COL27A1: variants seen among roughly 807,000 people sequenced by gnomAD.
COL27A1 encodes the protein collagen alpha-1(XXVII) chain.
In COL27A1, 106 loss-of-function variants were observed where a neutral mutation model predicts 251.3. That is an observed-to-expected ratio of 0.42 (90% confidence interval 0.36 to 0.50). COL27A1 has a LOEUF of 0.50. Among genes scored for constraint, COL27A1 ranks in the 20% least tolerant of loss-of-function variants. The pLI is 0.00. For missense variants in COL27A1, 2,325 were observed against 2,522.8 expected, an observed-to-expected ratio of 0.92 and a Z score of 1.68; for synonymous variants, 1,000 against 986.3, an observed-to-expected ratio of 1.01 and a Z score of -0.26.
rs147063899 is a variant in COL27A1 at position 114,272,074 on chromosome 9, G to A, written c.3609+1293G>A. On this transcript the variant is annotated intron_variant, in intron 36 of 60. Coordinates refer to ENST00000356083, the MANE Select transcript of COL27A1 (RefSeq NM_032888.4). ...CCTTTGCCAGTGCCTGCTACACTGG[G>A]TGGTGATGCTGATGAAGGTCATGGC... The A allele has an allele frequency of 4.4e-3, 672 of 152,388 alleles. 6 individuals are homozygous for A. The highest frequency in any genetic ancestry group is 0.014 in the Middle Eastern group (4 of 294). The allele number at this position is 152,388 out of a possible 1,614,324, so 9.4% of individuals were successfully genotyped here.
At chr9:114,260,910 C>A (rs2135572482) in intron 28 of COL27A1, among the ~76,000 whole-genome samples, 1 of 152,330 alleles carries the variant, frequency 6.6e-6, no homozygotes, top group South Asian at 2.1e-4. Context: ...CCCCAAGATT[C>A]CAATGCCTCG....
At chr9:114,215,029 G>A (rs1830628620) in intron 12 of COL27A1, among the ~76,000 whole-genome samples, 1 of 152,248 alleles carries the variant, frequency 6.6e-6, no homozygotes, top group African/African-American at 2.4e-5. Context: ...GCCCTGCAAG[G>A]CAGGCCACCA....
chr9:114,186,556 G>C (rs187531426), intron 5 of COL27A1, among the ~76,000 whole-genome samples: 1 of 152,162 alleles, frequency 6.6e-6, no homozygotes, highest in Non-Finnish European at 1.5e-5. Context: ...GATCTAGTCC[G>C]GGAGGTGAGG....
chr9:114,230,512 C>G (rs1212294829), intron 14 of COL27A1, among the ~76,000 whole-genome samples: 2 of 152,276 alleles, frequency 1.3e-5, no homozygotes, highest in Non-Finnish European at 1.5e-5. Context: ...AGCTGGGTCT[C>G]CAACCTGTGG....
chr9:114,270,647 A>C (rs902258777), intron 35 of COL27A1, 81 bp from the exon 36 acceptor site: 6 of 1,121,080 alleles, frequency 5.4e-6, no homozygotes, highest in Non-Finnish European at 6.7e-6. Context: ...GTCCTGCCCC[A>C]GGGAGGGGGA....
chr9:114,302,143 G>T, intron 56 of COL27A1, 35 bp downstream of exon 56: 3 of 1,589,196 alleles, frequency 1.9e-6, no homozygotes, highest in Non-Finnish European at 2.6e-6. Context: ...CCTACTTGGG[G>T]TAAGGCCTGA....
chr9:114,220,045 G>C (rs757528626), intron 13 of COL27A1, among the ~76,000 whole-genome samples: 1 of 151,984 alleles, frequency 6.6e-6, no homozygotes, highest in Non-Finnish European at 1.5e-5. Context: ...TCGCCCCCCT[G>C]TAAGAGTCCC....
At chr9:114,286,593 A>T (rs1827510275) in intron 41 of COL27A1, among the ~76,000 whole-genome samples, 1 of 152,162 alleles carries the variant, frequency 6.6e-6, no homozygotes, top group African/African-American at 2.4e-5. Flanking sequence ...CAGGGCAGGG[A>T]AGTATCCTAC....
intron 7 of COL27A1, among the ~76,000 whole-genome samples, chr9:114,196,465 G>A (rs2135252835): frequency 6.6e-6 from 1 of 152,328 alleles, no homozygotes; most frequent in African/African-American, 2.4e-5. Flanking sequence ...GCACAGTCTG[G>A]GGCTGTGTGA....
intron 8 of COL27A1, 21 bp downstream of exon 8, chr9:114,205,167 C>T (rs1163895695): frequency 1.2e-6 from 2 of 1,610,500 alleles, no homozygotes; most frequent in South Asian, 1.1e-5. Context: ...CAGCCTCAGC[C>T]CTGCCCTGGT....
chr9:114,206,212 GTC>G, intron 9 of COL27A1, 38 bp from the exon 10 acceptor site: 1 of 1,605,166 alleles, frequency 6.2e-7, no homozygotes, highest in African/African-American at 1.3e-5. Flanking sequence ...CAGGTAGAGC[GTC>G]TCCATATGTC....
chr9:114,246,481 T>A (rs1833138468), intron 24 of COL27A1, among the ~76,000 whole-genome samples: 1 of 152,208 alleles, frequency 6.6e-6, no homozygotes, highest in South Asian at 2.1e-4. Flanking sequence ...CTCTGAGGGA[T>A]GGGCAGAGGG....
chr9:114,292,264 CACAT>C (rs1408167631), intron 49 of COL27A1, 54 bp downstream of exon 49: 203 of 1,296,100 alleles, frequency 1.6e-4, no homozygotes, highest in Non-Finnish European at 2.1e-4. Context: ...TGCACACACT[CACAT>C]ACACCTACAT....
intron 50 of COL27A1, 191 bp downstream of exon 50, chr9:114,300,314 T>C: frequency 3.2e-6 from 2 of 622,636 alleles, no homozygotes; most frequent in South Asian, 3.9e-5. Context: ...CACAATTACC[T>C]GCTCTGTGCC....
At chr9:114,286,523 G>A (rs1477204362) in intron 41 of COL27A1, among the ~76,000 whole-genome samples, 1 of 152,126 alleles carries the variant, frequency 6.6e-6, no homozygotes, top group African/African-American at 2.4e-5. Context: ...GCTCACCGTG[G>A]GGGTGAGCTC....
intron 49 of COL27A1, among the ~76,000 whole-genome samples, chr9:114,296,675 T>A (rs913560910): frequency 6.6e-6 from 1 of 152,226 alleles, no homozygotes; most frequent in African/African-American, 2.4e-5. Flanking sequence ...CATATCCCTA[T>A]TGTATAATCA....
In COL27A1 at chr9:114,219,786, T is replaced by A. The variant is rs781123197; in HGVS notation, c.2368-5T>A. On this transcript the variant is annotated splice_region_variant and splice_polypyrimidine_tract_variant and intron_variant, in intron 12 of 60. Transcript: ENST00000356083. ...CAGATGTTTGTTCTCTCTCATGCCC[T>A]CCAGGGGTTTCCTGGAGTCTTTGGG... The A allele has an allele frequency of 6.2e-7, 1 of 1,605,062 alleles. No individual in the cohort carries two copies. Among genetic ancestry groups the A allele is most frequent in the Admixed American group, 1.7e-5 (1 of 59,978 alleles).
intron 24 of COL27A1, 29 bp from the exon 25 acceptor site, chr9:114,250,586 T>C: frequency 1.2e-6 from 2 of 1,607,808 alleles, no homozygotes; most frequent in Non-Finnish European, 8.5e-7. Flanking sequence ...TCACGTTGTT[T>C]CTCTTGCTTT....
At chr9:114,160,327 T>A (rs1848410881) in intron 1 of COL27A1, among the ~76,000 whole-genome samples, 1 of 151,978 alleles carries the variant, frequency 6.6e-6, no homozygotes. Context: ...GCTAATTTTT[T>A]TGTATTTTTG....
Sources: allele counts gnomAD v4.1 joint callset (sites outside exome capture counted in the v4.1 genomes callset), GRCh38; gene constraint gnomAD v4.1.1; transcripts MANE v1.5; gene names NCBI Gene and HGNC (gene_info 2026-07-23, HGNC 2026-07-21).